JCAD: variants seen among roughly 807,000 people sequenced by gnomAD.
JCAD encodes junctional cadherin 5 associated.
Under a neutral mutation model 98.0 loss-of-function variants are expected in JCAD, and 40 were observed. That is an observed-to-expected ratio of 0.41 (90% confidence interval 0.32 to 0.53). The LOEUF (loss-of-function observed/expected upper bound fraction) is 0.53, where lower values mean the gene tolerates loss of function less well. Among genes scored for constraint, JCAD ranks in the 20% least tolerant of loss-of-function variants. The pLI is 0.31. For missense variants in JCAD, 1,705 were observed against 1,738.1 expected (o/e 0.98, Z 0.34); for synonymous variants, 691 against 682.3 (o/e 1.01, Z -0.20).
chr10:30,097,845 G>T (rs1473537782), intron 1 of JCAD, among the ~76,000 whole-genome samples: 1 of 152,056 alleles, frequency 6.6e-6, no homozygotes, highest in Non-Finnish European at 1.5e-5. Context: ...AGTTTGAAAA[G>T]GAAACAAGAC....
At chr10:30,075,726 T>C (rs1016334022) in intron 1 of JCAD, among the ~76,000 whole-genome samples, 1 of 152,086 alleles carries the variant, frequency 6.6e-6, no homozygotes, top group Non-Finnish European at 1.5e-5. Flanking sequence ...AGCAGCACAC[T>C]AGAAAAATGT....
At chr10:30,056,805 T>C (rs570805251) in intron 1 of JCAD, among the ~76,000 whole-genome samples, 3 of 152,300 alleles carry the variant, frequency 2.0e-5, no homozygotes, top group Non-Finnish European at 4.4e-5. Flanking sequence ...ATCAAGATAA[T>C]TGAGGTTTTA....
intron 1 of JCAD, among the ~76,000 whole-genome samples, chr10:30,058,396 G>A (rs1260861303): frequency 6.6e-6 from 1 of 152,098 alleles, no homozygotes; most frequent in Non-Finnish European, 1.5e-5. Flanking sequence ...TGTAGGTGTG[G>A]GGAGGTGATG....
intron 3 of JCAD, among the ~76,000 whole-genome samples, chr10:30,024,070 C>G (rs932004206): frequency 2.0e-5 from 3 of 152,132 alleles, no homozygotes; most frequent in Non-Finnish European, 2.9e-5. Flanking sequence ...GAGGCTGAGG[C>G]AGGACAATCG....
intron 2 of JCAD, among the ~76,000 whole-genome samples, chr10:30,042,988 C>T (rs760709886): frequency 6.6e-6 from 1 of 152,238 alleles, no homozygotes; most frequent in South Asian, 2.1e-4. Flanking sequence ...AACACGTTAA[C>T]ATGTAGCTTC....
At chr10:30,036,349 C>T (rs1052929271) in intron 2 of JCAD, among the ~76,000 whole-genome samples, 8 of 151,688 alleles carry the variant, frequency 5.3e-5, no homozygotes, top group South Asian at 4.2e-4. Context: ...CTTGGGAAAC[C>T]GAGGCAGGAG....
intron 1 of JCAD, among the ~76,000 whole-genome samples, chr10:30,096,153 G>T (rs867545449): frequency 1.3e-5 from 2 of 152,204 alleles, no homozygotes; most frequent in Non-Finnish European, 2.9e-5. Flanking sequence ...GGCCATTGAG[G>T]TCTTCTCTGT....
chr10:30,036,508 A>T (rs564120863), intron 2 of JCAD, among the ~76,000 whole-genome samples: 98 of 152,078 alleles, frequency 6.4e-4, no homozygotes, highest in African/African-American at 2.3e-3. Context: ...ACTGGCTCAC[A>T]TTCCCCATCT....
Position 30,017,955 on chromosome 10 carries a change from T to C in JCAD, c.4046-38A>G, listed in dbSNP as rs767117425. ...AAAAGAAAAGAAAATTAGTGTTATA[T>C]TCAACTGCTCTATTTTCTGTTTAAT... On this transcript the variant is annotated intron_variant, in intron 3 of 3. Coordinates refer to ENST00000375377, the MANE Select transcript of JCAD (RefSeq NM_020848.4). 4.7e-6 allele frequency: 7 copies of C among 1,504,122 alleles called. No homozygotes were observed. The South Asian group carries it at 8.0e-5, about 17-fold the overall frequency. The allele number at this position is 1,504,122 out of a possible 1,614,324, so 93.2% of individuals were successfully genotyped here.
chr10:30,093,788 C>T lies in JCAD; in HGVS notation n.128+21579G>A, dbSNP rs537878820. ...TTTTGCAAGAGAGTCACGGGAATCCCGGGGATAGAGTCTAGCTCAGAGATT... is the reference window on the plus strand; with the variant it reads ...TTTTGCAAGAGAGTCACGGGAATCCTGGGGATAGAGTCTAGCTCAGAGATT... On this transcript the variant is annotated intron_variant and non_coding_transcript_variant, in intron 1 of 2. Transcript: ENST00000465712. Among the ~76,000 whole-genome samples, 20 of 152,150 alleles carry T rather than the reference C, an allele frequency of 1.3e-4. No individual in the cohort carries two copies. In the East Asian group the frequency reaches 2.7e-3, roughly 21 times the overall value.
At chr10:30,067,320 T>G (rs1321704034) in intron 2 of JCAD, among the ~76,000 whole-genome samples, 1 of 151,638 alleles carries the variant, frequency 6.6e-6, no homozygotes, top group East Asian at 1.9e-4. Flanking sequence ...AGAACTACCT[T>G]TTTTCTGTTT....
At chr10:30,023,805 C>G (rs917064311) in intron 3 of JCAD, among the ~76,000 whole-genome samples, 9 of 151,952 alleles carry the variant, frequency 5.9e-5, no homozygotes, top group Non-Finnish European at 1.0e-4. Flanking sequence ...TTTGCATTAC[C>G]TGGGTGTTTT....
At chr10:30,035,700 A>G (rs1837092704) in intron 2 of JCAD, among the ~76,000 whole-genome samples, 1 of 152,286 alleles carries the variant, frequency 6.6e-6, no homozygotes, top group Admixed American at 6.5e-5. Context: ...TAATTATCTT[A>G]CATTTTAAAA....
In JCAD at chr10:30,014,839, G is replaced by T. The variant is rs1836501953; in HGVS notation, c.*3044C>A. On this transcript the variant is annotated 3_prime_UTR_variant, in exon 4 of 4. Transcript: ENST00000375377. Reference sequence around the variant, plus strand: ...TTCTACTTAGAATTTCCACGTGAATGAAACCCGCAACCTACAACTCTGCTA... The same window carrying T: ...TTCTACTTAGAATTTCCACGTGAATTAAACCCGCAACCTACAACTCTGCTA... 6.6e-6 allele frequency: 1 copy of T among 152,154 alleles called. No individual in the cohort carries two copies. 9.4% of individuals were successfully genotyped at this position (152,154 alleles called of 1,614,324 possible). A position where few individuals can be genotyped will look rare whatever the true frequency, so the allele number is the denominator to read the frequency against.
intron 1 of JCAD, among the ~76,000 whole-genome samples, chr10:30,082,410 T>C (rs1372973457): frequency 6.6e-6 from 1 of 152,036 alleles, no homozygotes; most frequent in African/African-American, 2.4e-5. Flanking sequence ...AAAACCTAAT[T>C]GAAAGTATAT....
chr10:30,107,267 A>T (rs1219204646), intron 1 of JCAD, among the ~76,000 whole-genome samples: 1 of 152,132 alleles, frequency 6.6e-6, no homozygotes, highest in African/African-American at 2.4e-5. Flanking sequence ...GGTCACAAAG[A>T]CCTTGCTGAT....
chr10:30,091,836 C>T (rs1209560300), intron 1 of JCAD, among the ~76,000 whole-genome samples: 1 of 142,874 alleles, frequency 7.0e-6, no homozygotes, highest in Non-Finnish European at 1.5e-5. Context: ...GCAGCCTGGC[C>T]AAAATGGCAA....
chr10:30,062,539 A>G (rs1423543148), upstream of JCAD, among the ~76,000 whole-genome samples: 2 of 152,200 alleles, frequency 1.3e-5, no homozygotes, highest in African/African-American at 4.8e-5. Flanking sequence ...AGGGTGTATT[A>G]TTCTATTCCC....
intron 1 of JCAD, among the ~76,000 whole-genome samples, chr10:30,075,716 A>G (rs1837968882): frequency 6.6e-6 from 1 of 152,208 alleles, no homozygotes; most frequent in Non-Finnish European, 1.5e-5. Flanking sequence ...CAGATTCTGG[A>G]GCAGCACACT....
Sources: gnomAD v4.1 joint callset for allele counts (sites outside exome capture counted in the v4.1 genomes callset) on GRCh38, gnomAD v4.1.1 for gene constraint, MANE v1.5 for transcripts, NCBI Gene and HGNC (gene_info 2026-07-23, HGNC 2026-07-21) for gene names.